The following ARAP1 variants were observed in gnomAD, a reference collection of about 807,000 sequenced individuals.
ARAP1 encodes the protein arf-GAP with Rho-GAP domain, ANK repeat and PH domain-containing protein 1.
A neutral mutation model predicts 172.2 loss-of-function variants in ARAP1; 76 were observed. The observed-to-expected ratio is 0.44, with a 90% CI of 0.37 to 0.53. The LOEUF is 0.53. ARAP1 is among the 20% of genes least tolerant of loss of function. ARAP1 has a pLI of 0.00. For missense variants in ARAP1, 1,686 were observed against 1,977.5 expected (o/e 0.85, Z 2.80); for synonymous variants, 804 against 803.3 (o/e 1.00, Z -0.01).
chr11:72,744,480 G>T (rs1047547981), intron 1 of ARAP1, among the ~76,000 whole-genome samples: 1 of 152,132 alleles, frequency 6.6e-6, no homozygotes, highest in Non-Finnish European at 1.5e-5. Context: ...TTCTCGACCA[G>T]TACCACACAA....
Position 72,710,268 on chromosome 11 carries a change from G to A in ARAP1, c.1416+117C>T, listed in dbSNP as rs1254300611. ...GGGAGCGAGGACATATCCAGGCAAAGGGCTGGGCCCAGTGCAGGAAAAGAG... is the reference window on the plus strand; with the variant it reads ...GGGAGCGAGGACATATCCAGGCAAAAGGCTGGGCCCAGTGCAGGAAAAGAG... On this transcript the variant is annotated intron_variant, in intron 10 of 34. Transcript: ENST00000393609. This position sits in a 1 kb window ranked among gnomAD's most constrained non-coding sequence, Gnocchi z 4.3. The A allele has an allele frequency of 1.5e-5, 20 of 1,311,372 alleles. No homozygotes were observed. The highest frequency in any genetic ancestry group is 7.4e-5 in the Admixed American group (4 of 54,232). 81.2% of individuals were successfully genotyped at this position (1,311,372 alleles called of 1,614,324 possible). A position where few individuals can be genotyped will look rare whatever the true frequency, so the allele number is the denominator to read the frequency against.
chr11:72,710,280 G>T lies in ARAP1; in HGVS notation c.1416+105C>A. The T allele has an allele frequency of 7.2e-7, 1 of 1,388,766 alleles. No homozygotes were observed. Among genetic ancestry groups the T allele is most frequent in the East Asian group, 2.3e-5 (1 of 43,528 alleles). 86.0% of individuals were successfully genotyped at this position (1,388,766 alleles called of 1,614,324 possible). On this transcript the variant is annotated intron_variant, in intron 10 of 34. Coordinates refer to ENST00000393609, the MANE Select transcript of ARAP1 (RefSeq NM_001040118.3). The surrounding 1 kb of genome is among the most constrained non-coding windows in gnomAD (Gnocchi z 4.3). ...ATATCCAGGCAAAGGGCTGGGCCCAGTGCAGGAAAAGAGGGAACAGAAAAG... is the reference window on the plus strand; with the variant it reads ...ATATCCAGGCAAAGGGCTGGGCCCATTGCAGGAAAAGAGGGAACAGAAAAG...
At chr11:72,716,236 A>G (rs1247676914) in intron 3 of ARAP1, among the ~76,000 whole-genome samples, 6 of 151,536 alleles carry the variant, frequency 4.0e-5, no homozygotes, top group Admixed American at 2.0e-4. Flanking sequence ...TTTTCAAAGT[A>G]TCTCCTTTGT....
At chr11:72,707,829 G>A (rs997366151) in intron 11 of ARAP1, among the ~76,000 whole-genome samples, 1 of 152,064 alleles carries the variant, frequency 6.6e-6, no homozygotes, top group Admixed American at 6.5e-5. Flanking sequence ...AAGTCAAAGT[G>A]TACCCTGAGG....
chr11:72,711,336 G>A (rs1244958483), intron 8 of ARAP1, 94 bp downstream of exon 8: 4 of 1,511,274 alleles, frequency 2.6e-6, no homozygotes, highest in Non-Finnish European at 2.7e-6. Context: ...GAACTCTGGC[G>A]AGGACTCCTC....
chr11:72,699,932 A>G lies in ARAP1; in HGVS notation c.2303-380T>C, dbSNP rs953693072. The G allele has an allele frequency of 8.2e-6, 2 of 244,066 alleles. No homozygotes were observed. The highest frequency in any genetic ancestry group is 5.1e-5 in the Admixed American group (1 of 19,536). The allele number at this position is 244,066 out of a possible 1,614,324, so 15.1% of individuals were successfully genotyped here. A position where few individuals can be genotyped will look rare whatever the true frequency, so the allele number is the denominator to read the frequency against. On this transcript the variant is annotated intron_variant, in intron 16 of 34. Transcript: ENST00000393609. This position sits in a 1 kb window ranked among gnomAD's most constrained non-coding sequence, Gnocchi z 4.2. ...CTCTCTGTCACTCCTGGACACACAC[A>G]TCCCTACCCAGCACTCCCAGCTTTT...
At chr11:72,702,639 C>T (rs12362059) in intron 15 of ARAP1, among the ~76,000 whole-genome samples, 38,648 of 152,180 alleles carry the variant, frequency 0.25, 5,063 homozygotes, top group South Asian at 0.3. Flanking sequence ...CAGAGGCGCA[C>T]AAACACCAGC....
At chr11:72,712,071 T>C (rs1857038510) in intron 7 of ARAP1, 125 bp downstream of exon 7, 1 of 1,308,008 alleles carries the variant, frequency 7.6e-7, no homozygotes, top group Admixed American at 3.0e-5. Flanking sequence ...GAGGGAGACC[T>C]GTGCAAATCA....
intron 1 of ARAP1, among the ~76,000 whole-genome samples, chr11:72,744,236 C>G (rs192515094): frequency 1.3e-5 from 2 of 152,294 alleles, no homozygotes; most frequent in Admixed American, 1.3e-4. Context: ...CTTTCTCAGG[C>G]AAGACCAGGG....
chr11:72,741,886 A>C lies in ARAP1; in HGVS notation c.-127-9289T>G, dbSNP rs1440572104. On this transcript the variant is annotated intron_variant, in intron 1 of 34. Transcript: ENST00000393609. The surrounding 1 kb of genome is among the most constrained non-coding windows in gnomAD (Gnocchi z 4.5). ...AACCTAAAGCTCCTGCCCACCAAGG[A>C]GGAGGGACTTGGTGGGCTCCTCTGT... Among the ~76,000 whole-genome samples, 2 of 152,098 alleles carry C rather than the reference A, an allele frequency of 1.3e-5. No homozygotes were observed. The highest frequency in any genetic ancestry group is 2.9e-5 in the Non-Finnish European group (2 of 67,986).
rs1225045838 is a variant in ARAP1 at position 72,687,511 on chromosome 11, T to C, written c.4122-9A>G. On this transcript the variant is annotated splice_polypyrimidine_tract_variant and intron_variant, in intron 32 of 34. Coordinates refer to ENST00000393609, the MANE Select transcript of ARAP1 (RefSeq NM_001040118.3). ...TGTCACAGCAGAGGTACCTGCAGGG[T>C]TGGACGCGGACCCACATGATGCCAA... is the stretch of plus-strand genomic sequence containing the variant. The C allele has an allele frequency of 1.9e-6, 3 of 1,614,004 alleles. No individual in the cohort carries two copies. Among genetic ancestry groups the C allele is most frequent in the Non-Finnish European group, 2.5e-6 (3 of 1,179,990 alleles).
intron 4 of ARAP1, 66 bp from the exon 5 acceptor site, chr11:72,713,309 C>A: frequency 1.4e-6 from 2 of 1,465,542 alleles, no homozygotes; most frequent in Non-Finnish European, 1.9e-6. Context: ...GGGCACCACA[C>A]TGGGCTTCAC....
chr11:72,729,449 C>T (rs1021282227), intron 2 of ARAP1, among the ~76,000 whole-genome samples: 4 of 151,948 alleles, frequency 2.6e-5, no homozygotes, highest in Non-Finnish European at 4.4e-5. Context: ...AAAAATTAGC[C>T]GGGCATGGTG....
chr11:72,686,353 A>C (rs998839500), intron 33 of ARAP1, among the ~76,000 whole-genome samples, 162 bp from the exon 34 acceptor site: 1 of 152,152 alleles, frequency 6.6e-6, no homozygotes, highest in Non-Finnish European at 1.5e-5. Flanking sequence ...GGAGAACATG[A>C]CTGCATCTCT....
intron 14 of ARAP1, chr11:72,703,392 T>G: frequency 1.0e-4 from 11 of 109,902 alleles, no homozygotes; most frequent in East Asian, 3.8e-4. Flanking sequence ...AAGCTCCTTC[T>G]GCCTTGTGGA....
intron 3 of ARAP1, among the ~76,000 whole-genome samples, chr11:72,720,866 C>T (rs1238184081): frequency 6.9e-6 from 1 of 145,424 alleles, no homozygotes; most frequent in African/African-American, 2.6e-5. Context: ...CCCACACAAC[C>T]TGTTTGACCT....
intron 15 of ARAP1, among the ~76,000 whole-genome samples, chr11:72,702,237 C>A (rs182297693): frequency 1.3e-5 from 2 of 152,342 alleles, no homozygotes; most frequent in East Asian, 3.9e-4. Context: ...CAAGCCCAAG[C>A]CAGTTGGGTG....
chr11:72,722,507 G>A (rs1418881729), intron 3 of ARAP1: 14 of 289,542 alleles, frequency 4.8e-5, no homozygotes, highest in East Asian at 1.7e-4. Flanking sequence ...AAGCCCTGGC[G>A]GTGGCCTCTC....
At chr11:72,727,686 C>G (rs1279460557) in intron 2 of ARAP1, among the ~76,000 whole-genome samples, 1 of 152,234 alleles carries the variant, frequency 6.6e-6, no homozygotes, top group Admixed American at 6.5e-5. Flanking sequence ...CTAGCCTCCC[C>G]CTACCTCCAT....
Sources: gnomAD v4.1 joint callset for allele counts (sites outside exome capture counted in the v4.1 genomes callset) on GRCh38, gnomAD v4.1.1 for gene constraint, Gnocchi (gnomAD v3.1) non-coding constraint, MANE v1.5 for transcripts, NCBI Gene and HGNC (gene_info 2026-07-23, HGNC 2026-07-21) for gene names.